The following SPATA6 variants were observed in gnomAD, a reference collection of about 807,000 sequenced individuals.
The protein encoded by SPATA6 is spermatogenesis associated 6, also known as spermatogenesis-associated protein 6.
Under a neutral mutation model 65.3 loss-of-function variants are expected in SPATA6, and 56 were observed. The ratio of observed to expected loss-of-function variants is 0.86; its 90% confidence interval spans 0.69 to 1.07. The LOEUF (loss-of-function observed/expected upper bound fraction) is 1.07, where lower values mean the gene tolerates loss of function less well. Ranked by LOEUF, SPATA6 falls within the 50% of genes least tolerant of loss-of-function variation. The pLI is 0.00. For synonymous variants in SPATA6, 199 were observed against 213.2 expected (o/e 0.93, Z 0.58); for missense variants, 590 against 594.8 (o/e 0.99, Z 0.08).
At chr1:48,347,472 T>C (rs992119085) in intron 11 of SPATA6, among the ~76,000 whole-genome samples, 1 of 145,202 alleles carries the variant, frequency 6.9e-6, no homozygotes. Flanking sequence ...TATAATATAA[T>C]ATATATATTA....
intron 3 of SPATA6, among the ~76,000 whole-genome samples, chr1:48,421,271 C>T (rs2148018839): frequency 6.6e-6 from 1 of 151,546 alleles, no homozygotes; most frequent in East Asian, 1.9e-4. Flanking sequence ...GATCATTACA[C>T]AATGTATAAA....
chr1:48,316,180 T>C lies in SPATA6; in HGVS notation c.1195-10302A>G, dbSNP rs143088358. On this transcript the variant is annotated intron_variant, in intron 11 of 12. Transcript: ENST00000371847. Reference sequence around the variant, plus strand: ...CTTTCTTCATAGAATTGGAAAAAACTACTTTAAAGTTCATATGGAAACAAA... The same window carrying C: ...CTTTCTTCATAGAATTGGAAAAAACCACTTTAAAGTTCATATGGAAACAAA... 7.1e-3 allele frequency among the ~76,000 whole-genome samples: 1,076 copies of C among 152,146 alleles called. 14 individuals carry two copies. Among genetic ancestry groups the C allele is most frequent in the African/African-American group, 0.025 (1,033 of 41,448 alleles).
intron 10 of SPATA6, among the ~76,000 whole-genome samples, chr1:48,359,272 G>A (rs1646742643): frequency 6.6e-6 from 1 of 152,058 alleles, no homozygotes; most frequent in African/African-American, 2.4e-5. Flanking sequence ...CTTAAGGCAA[G>A]CCTATAATAT....
chr1:48,417,212 C>T (rs1406165741), intron 3 of SPATA6, among the ~76,000 whole-genome samples: 2 of 152,172 alleles, frequency 1.3e-5, no homozygotes, highest in Non-Finnish European at 1.5e-5. Context: ...TCTAAAGACA[C>T]ATTTCTTTTA....
intron 3 of SPATA6, among the ~76,000 whole-genome samples, chr1:48,416,992 T>C (rs1358671632): frequency 1.3e-5 from 2 of 152,174 alleles, no homozygotes; most frequent in South Asian, 2.1e-4. Context: ...GCAAACATCA[T>C]ACCAAGTGGT....
chr1:48,404,320 C>T (rs1651477066), intron 5 of SPATA6, among the ~76,000 whole-genome samples: 1 of 152,094 alleles, frequency 6.6e-6, no homozygotes, highest in Non-Finnish European at 1.5e-5. Context: ...TATCAAACAT[C>T]ATGTTGTATA....
In SPATA6 at chr1:48,356,706, T is replaced by A. The variant is rs550623225; in HGVS notation, c.1095-937A>T. ...TATTTTTAGTAGAGAGGTTTCATCA[T>A]GTTGGTCAGGCTGGTCCCAAACTGC... On this transcript the variant is annotated intron_variant, in intron 10 of 12. Transcript: ENST00000371847. 2.0e-5 allele frequency among the ~76,000 whole-genome samples: 3 copies of A among 152,112 alleles called. No homozygotes were observed. The East Asian group carries it at 5.8e-4, about 29-fold the overall frequency.
At chr1:48,443,393 C>T (rs1461478111) in intron 3 of SPATA6, among the ~76,000 whole-genome samples, 4 of 152,196 alleles carry the variant, frequency 2.6e-5, no homozygotes, top group African/African-American at 4.8e-5. Flanking sequence ...AATATCCCTA[C>T]TTATAGGGTT....
intron 6 of SPATA6, among the ~76,000 whole-genome samples, 177 bp from the exon 7 acceptor site, chr1:48,399,821 C>T (rs948282854): frequency 1.3e-5 from 2 of 151,902 alleles, no homozygotes; most frequent in Non-Finnish European, 2.9e-5. Context: ...TCCTAGATAA[C>T]TCTTTCTGCA....
intron 11 of SPATA6, among the ~76,000 whole-genome samples, chr1:48,307,384 T>C (rs1364225739): frequency 6.7e-6 from 1 of 148,150 alleles, no homozygotes; most frequent in African/African-American, 2.4e-5. Context: ...TTATATATAA[T>C]CATATACATT....
At chr1:48,371,296 T>TAGATAGAC (rs1267676392) in intron 9 of SPATA6, among the ~76,000 whole-genome samples, 2 of 152,014 alleles carry the variant, frequency 1.3e-5, no homozygotes, top group African/African-American at 4.8e-5. Context: ...GATAGATAGA[T>TAGATAGAC]AGATAGATAG....
rs1649512844 is a variant in SPATA6, at chr1:48,386,738, CA to C, written c.869-1390del. Among the ~76,000 whole-genome samples the C allele has an allele frequency of 2.6e-5, 4 of 152,330 alleles. No homozygotes were observed. The South Asian group carries it at 8.3e-4, about 32-fold the overall frequency. On this transcript the variant is annotated intron_variant, in intron 8 of 12. Coordinates refer to ENST00000371847, the MANE Select transcript of SPATA6 (RefSeq NM_019073.4). ...ACCCTCGTGAGCCCTGAAACTAACA[CA>C]AGGAGCTGCCGGGAGATTGTACCAT...
Position 48,374,690 on chromosome 1 carries a change from T to C in SPATA6, c.909+10619A>G, listed in dbSNP as rs143899305. On this transcript the variant is annotated intron_variant, in intron 9 of 12. Coordinates refer to ENST00000371847, the MANE Select transcript of SPATA6 (RefSeq NM_019073.4). ...GCAAACAGTTCCCTTCTTATGACAA[T>C]AGATCACTCAACTGAACAAATTCCT... 1.5e-3 allele frequency among the ~76,000 whole-genome samples: 229 copies of C among 152,278 alleles called. 2 individuals are homozygous for C. Among genetic ancestry groups the C allele is most frequent in the Admixed American group, 0.011 (174 of 15,288 alleles).
intron 11 of SPATA6, among the ~76,000 whole-genome samples, chr1:48,316,380 A>T (rs570043836): frequency 6.6e-6 from 1 of 152,196 alleles, no homozygotes; most frequent in Admixed American, 6.5e-5. Flanking sequence ...ATAATGCCGC[A>T]TATCTACAAC....
chr1:48,387,986 G>A (rs955168214), intron 8 of SPATA6, among the ~76,000 whole-genome samples: 2 of 152,114 alleles, frequency 1.3e-5, no homozygotes, highest in African/African-American at 4.8e-5. Context: ...GCCCATGATG[G>A]CTACTACCAG....
At chr1:48,340,464 T>A (rs1440627583) in intron 11 of SPATA6, among the ~76,000 whole-genome samples, 1 of 151,294 alleles carries the variant, frequency 6.6e-6, no homozygotes, top group Non-Finnish European at 1.5e-5. Context: ...GGAAGGAATA[T>A]AAATGGAATG....
the SPATA6 span, among the ~76,000 whole-genome samples, chr1:48,275,703 A>G: frequency 6.6e-6 from 1 of 152,040 alleles, no homozygotes; most frequent in Non-Finnish European, 1.5e-5. Flanking sequence ...ATTTGCATAT[A>G]TTGAAGGCAA....
At chr1:48,429,528 C>T (rs1239049126) in intron 3 of SPATA6, among the ~76,000 whole-genome samples, 1 of 152,048 alleles carries the variant, frequency 6.6e-6, no homozygotes, top group Non-Finnish European at 1.5e-5. Flanking sequence ...GACAAAAAAT[C>T]TGGATTCCAG....
chr1:48,382,356 C>G lies in SPATA6; in HGVS notation c.909+2953G>C, dbSNP rs1370300215. 7.7e-5 allele frequency among the ~76,000 whole-genome samples: 8 copies of G among 103,562 alleles called. No homozygotes were observed. In the South Asian group the frequency reaches 3.4e-3, roughly 44 times the overall value. 67.9% of individuals were successfully genotyped at this position (103,562 alleles called of 152,430 possible). The stretch of plus-strand genomic sequence containing the variant: ...GGGGCTGACCCCCCCACCACCCTCC[C>G]GGACGGGGCGGCTGGCCAGGCAGAG... On this transcript the variant is annotated intron_variant, in intron 9 of 12. Coordinates refer to ENST00000371847, the MANE Select transcript of SPATA6 (RefSeq NM_019073.4).
Sources: allele counts gnomAD v4.1 joint callset (sites outside exome capture counted in the v4.1 genomes callset), GRCh38; gene constraint gnomAD v4.1.1; transcripts MANE v1.5; gene names NCBI Gene and HGNC (gene_info 2026-07-23, HGNC 2026-07-21).